Variants in MYO10 observed in about 807,000 individuals in gnomAD.
The protein encoded by MYO10 is myosin X, also known as unconventional myosin-X.
In MYO10, 133 loss-of-function variants were observed where a neutral mutation model predicts 257.3. The ratio of observed to expected loss-of-function variants is 0.52; its 90% CI spans 0.45 to 0.60. The LOEUF is 0.60. MYO10 is among the 20% of genes least tolerant of loss of function. The pLI, the probability that MYO10 is intolerant of heterozygous loss-of-function variation, is 0.00. For synonymous variants in MYO10, 1,104 were observed against 1,028.6 expected (o/e 1.07, Z -1.40); for missense variants, 2,399 against 2,635.7 (o/e 0.91, Z 1.97).
intron 1 of MYO10, chr5:16,916,222 G>A (rs1745812730): frequency 2.3e-6 from 1 of 444,194 alleles, no homozygotes; most frequent in Non-Finnish European, 4.6e-6. Context: ...TATCCACTTA[G>A]TAAATTCATT....
chr5:16,813,569 A>C (rs1380927826), intron 3 of MYO10, among the ~76,000 whole-genome samples: 2 of 150,086 alleles, frequency 1.3e-5, no homozygotes, highest in Non-Finnish European at 3.0e-5. Flanking sequence ...AAAAAAAACC[A>C]ACAACAACAA....
At chr5:16,792,464 A>G (rs1208778428) in intron 4 of MYO10, among the ~76,000 whole-genome samples, 2 of 151,608 alleles carry the variant, frequency 1.3e-5, no homozygotes, top group African/African-American at 4.8e-5. Flanking sequence ...ATCCATCCTC[A>G]ATCAGCTCTC....
chr5:16,724,296 T>C (rs1739269557), intron 19 of MYO10, among the ~76,000 whole-genome samples: 1 of 152,182 alleles, frequency 6.6e-6, no homozygotes, highest in South Asian at 2.1e-4. Flanking sequence ...TGGATACTAC[T>C]GTACATGTAC....
chr5:16,774,703 G>A (rs1325216068), intron 9 of MYO10, among the ~76,000 whole-genome samples: 3 of 152,136 alleles, frequency 2.0e-5, no homozygotes, highest in Admixed American at 1.3e-4. Context: ...TTACAGGCGT[G>A]AGCCACCGTG....
chr5:16,790,523 A>G (rs113315802), intron 4 of MYO10, among the ~76,000 whole-genome samples: 6 of 151,370 alleles, frequency 4.0e-5, no homozygotes, highest in African/African-American at 1.4e-4. Flanking sequence ...CTGTTCTCGC[A>G]GTAGTGAGTG....
chr5:16,853,380 A>G (rs1490123407), intron 2 of MYO10, among the ~76,000 whole-genome samples: 1 of 152,058 alleles, frequency 6.6e-6, no homozygotes, highest in East Asian at 1.9e-4. Context: ...TCTCAAAAAA[A>G]AAAAAAAATT....
At chr5:16,915,742 G>T (rs1745796430) in intron 1 of MYO10, among the ~76,000 whole-genome samples, 1 of 152,210 alleles carries the variant, frequency 6.6e-6, no homozygotes, top group African/African-American at 2.4e-5. Flanking sequence ...GATCACCTAA[G>T]GTCAGGAGTT....
At chr5:16,749,791 C>T (rs894584544) in intron 19 of MYO10, among the ~76,000 whole-genome samples, 4 of 152,248 alleles carry the variant, frequency 2.6e-5, no homozygotes, top group African/African-American at 9.6e-5. Flanking sequence ...CAGGCAACTG[C>T]GGGCAACTGG....
At chr5:16,877,486 T>G in intron 2 of MYO10, 123 bp downstream of exon 2, 1 of 690,676 alleles carries the variant, frequency 1.4e-6, no homozygotes, top group Non-Finnish European at 2.5e-6. Context: ...GATTTTGAAT[T>G]ATCACTTAGG....
chr5:16,681,631 C>A, intron 31 of MYO10, 128 bp from the exon 32 acceptor site: 2 of 1,115,314 alleles, frequency 1.8e-6, no homozygotes, highest in East Asian at 4.8e-5. Context: ...ACCACGAACA[C>A]CCCAACCCGA....
At chr5:16,861,509 T>C (rs1016367334) in intron 2 of MYO10, among the ~76,000 whole-genome samples, 17 of 150,008 alleles carry the variant, frequency 1.1e-4, no homozygotes, top group African/African-American at 4.2e-4. Flanking sequence ...GAGGCGGAGG[T>C]TGCAGTGAGC....
At chr5:16,853,396 T>C (rs1743869558) in intron 2 of MYO10, among the ~76,000 whole-genome samples, 1 of 151,658 alleles carries the variant, frequency 6.6e-6, no homozygotes, top group East Asian at 1.9e-4. Context: ...AAATTCATGA[T>C]CATATGTTAT....
At chr5:16,854,541 G>A (rs1374809369) in intron 2 of MYO10, among the ~76,000 whole-genome samples, 1 of 152,178 alleles carries the variant, frequency 6.6e-6, no homozygotes, top group Non-Finnish European at 1.5e-5. Context: ...GCTGGGGGAG[G>A]AGTGAGGGTG....
At chr5:16,773,010 G>A (rs986599178) in intron 9 of MYO10, among the ~76,000 whole-genome samples, 6 of 152,264 alleles carry the variant, frequency 3.9e-5, no homozygotes, top group Admixed American at 3.3e-4. Context: ...AAATGGGTGT[G>A]TAAATTCAAA....
intron 21 of MYO10, among the ~76,000 whole-genome samples, chr5:16,706,218 C>T (rs1738330050): frequency 6.6e-6 from 1 of 152,042 alleles, no homozygotes; most frequent in African/African-American, 2.4e-5. Flanking sequence ...CACACACGTA[C>T]ATACTCATAT....
chr5:16,905,850 T>C (rs1457680804), intron 1 of MYO10, among the ~76,000 whole-genome samples: 1 of 152,060 alleles, frequency 6.6e-6, no homozygotes, highest in Non-Finnish European at 1.5e-5. Flanking sequence ...GGTGAGAACT[T>C]AAGGAGTTAG....
intron 40 of MYO10, among the ~76,000 whole-genome samples, chr5:16,667,712 A>T (rs1736240536): frequency 6.6e-6 from 1 of 151,724 alleles, no homozygotes; most frequent in African/African-American, 2.4e-5. Flanking sequence ...ATTCCTCTCC[A>T]CTCACCACGT....
intron 30 of MYO10, 135 bp from the exon 31 acceptor site, chr5:16,682,148 T>A: frequency 9.4e-7 from 1 of 1,065,786 alleles, no homozygotes; most frequent in Non-Finnish European, 1.3e-6. Flanking sequence ...TCTGTGCTTT[T>A]ATTAAGGCAA....
At chr5:16,678,789 TA>T (rs1393908348) in intron 33 of MYO10, among the ~76,000 whole-genome samples, 1 of 152,188 alleles carries the variant, frequency 6.6e-6, no homozygotes, top group East Asian at 1.9e-4. Flanking sequence ...CGTCCATCAG[TA>T]AAATACCTGC....
Sources: allele counts gnomAD v4.1 joint callset (sites outside exome capture counted in the v4.1 genomes callset), GRCh38; gene constraint gnomAD v4.1.1; transcripts MANE v1.5; gene names NCBI Gene and HGNC (gene_info 2026-07-23, HGNC 2026-07-21).